The following DTNA variants were observed in gnomAD, a reference collection of about 807,000 sequenced individuals.
DTNA encodes dystrobrevin alpha, also known as dystrophin-related protein 3.
A neutral mutation model predicts 100.7 loss-of-function variants in DTNA; 43 were observed. The observed-to-expected ratio is 0.43, with a 90% confidence interval of 0.33 to 0.55. The LOEUF (loss-of-function observed/expected upper bound fraction) is 0.55. DTNA is among the 20% of genes least tolerant of loss of function. DTNA has a pLI of 0.04. For missense variants in DTNA, 798 were observed against 953.9 expected, an observed-to-expected ratio of 0.84 and a Z score of 2.15; for synonymous variants, 349 against 347.9, an observed-to-expected ratio of 1.00 and a Z score of -0.04.
chr18:34,551,987 T>C (rs1236550141), intron 1 of DTNA, among the ~76,000 whole-genome samples: 1 of 152,066 alleles, frequency 6.6e-6, no homozygotes, highest in African/African-American at 2.4e-5. Context: ...TCTTTCCCCA[T>C]GTTGTTCCCT....
At chr18:34,715,607 A>G (rs1394786116) in intron 1 of DTNA, among the ~76,000 whole-genome samples, 1 of 152,136 alleles carries the variant, frequency 6.6e-6, no homozygotes, top group African/African-American at 2.4e-5. Flanking sequence ...AAAATACTGG[A>G]TGGATTGGCA....
intron 22 of DTNA, among the ~76,000 whole-genome samples, chr18:34,887,153 A>T (rs554320956): frequency 5.5e-4 from 84 of 152,326 alleles, no homozygotes; most frequent in African/African-American, 1.8e-3. Context: ...GCTTATTTGA[A>T]AATAAGTACA....
At chr18:34,861,793 G>A (rs557976964) in intron 16 of DTNA, among the ~76,000 whole-genome samples, 11 of 152,068 alleles carry the variant, frequency 7.2e-5, no homozygotes, top group East Asian at 1.9e-4. Flanking sequence ...GATTACTACT[G>A]TAAGATAAAT....
intron 1 of DTNA, among the ~76,000 whole-genome samples, chr18:34,721,530 G>T (rs1156742094): frequency 1.3e-5 from 2 of 152,030 alleles, no homozygotes; most frequent in African/African-American, 4.8e-5. Flanking sequence ...AAACAAAAAC[G>T]TGACGCAGTT....
intron 1 of DTNA, among the ~76,000 whole-genome samples, chr18:34,510,835 A>G (rs1302461493): frequency 1.3e-5 from 2 of 151,936 alleles, no homozygotes; most frequent in Non-Finnish European, 2.9e-5. Flanking sequence ...ATCCAGGGCA[A>G]CTTTTAAAAA....
chr18:34,551,408 C>T (rs180974674), intron 1 of DTNA, among the ~76,000 whole-genome samples: 10 of 152,296 alleles, frequency 6.6e-5, no homozygotes, highest in East Asian at 3.9e-4. Flanking sequence ...ATCTTCTCCA[C>T]GGGTTCTACC....
chr18:34,808,614 T>A (rs1162788450), intron 5 of DTNA, among the ~76,000 whole-genome samples: 1 of 152,150 alleles, frequency 6.6e-6, no homozygotes, highest in Non-Finnish European at 1.5e-5. Flanking sequence ...GTTACAAAGT[T>A]CAAAATATAA....
At chr18:34,823,260 C>G (rs539645022) in intron 9 of DTNA, among the ~76,000 whole-genome samples, 2 of 152,254 alleles carry the variant, frequency 1.3e-5, no homozygotes, top group East Asian at 3.9e-4. Flanking sequence ...GAAGAATGCT[C>G]TCTTAATCTG....
At chr18:34,592,751 A>G (rs1011097352) in intron 1 of DTNA, among the ~76,000 whole-genome samples, 3 of 152,150 alleles carry the variant, frequency 2.0e-5, no homozygotes, top group African/African-American at 4.8e-5. Flanking sequence ...ACTAAGACTC[A>G]TTCAACTTTT....
intron 1 of DTNA, among the ~76,000 whole-genome samples, chr18:34,579,144 C>A (rs911304281): frequency 1.3e-5 from 2 of 151,988 alleles, no homozygotes; most frequent in Non-Finnish European, 2.9e-5. Context: ...ACAAAAATAA[C>A]CATGTAAGAA....
At chr18:34,777,177 C>A (rs1386170789) in intron 3 of DTNA, among the ~76,000 whole-genome samples, 1 of 152,218 alleles carries the variant, frequency 6.6e-6, no homozygotes, top group Non-Finnish European at 1.5e-5. Flanking sequence ...ACCTTCCCAA[C>A]TTGAGTGTAG....
At chr18:34,662,280 A>G (rs2075307023) in intron 1 of DTNA, among the ~76,000 whole-genome samples, 1 of 152,114 alleles carries the variant, frequency 6.6e-6, no homozygotes, top group Non-Finnish European at 1.5e-5. Context: ...TGCAGGCACA[A>G]TGTGACTGGT....
At chr18:34,507,823 T>G (rs2040639727) in intron 1 of DTNA, among the ~76,000 whole-genome samples, 4 of 152,168 alleles carry the variant, frequency 2.6e-5, no homozygotes, top group African/African-American at 9.7e-5. Flanking sequence ...CAGGGGATTG[T>G]GCTACACGCT....
intron 5 of DTNA, among the ~76,000 whole-genome samples, chr18:34,810,494 T>A (rs1446569368): frequency 6.7e-6 from 1 of 148,806 alleles, no homozygotes; most frequent in African/African-American, 2.5e-5. Context: ...AAAACTGAAC[T>A]CATGGAAGTA....
intron 3 of DTNA, among the ~76,000 whole-genome samples, chr18:34,783,808 G>T (rs944580735): frequency 4.6e-5 from 7 of 152,126 alleles, no homozygotes; most frequent in Non-Finnish European, 1.5e-5. Flanking sequence ...TTCCCTAAAA[G>T]ATTTTTAAAT....
chr18:34,879,314 C>CA (rs1352285406), intron 19 of DTNA, among the ~76,000 whole-genome samples: 3 of 152,044 alleles, frequency 2.0e-5, no homozygotes, highest in African/African-American at 4.8e-5. Context: ...ACTAAGATGG[C>CA]AAAAATTCCT....
chr18:34,510,162 G>C (rs1008043137), intron 1 of DTNA, among the ~76,000 whole-genome samples: 4 of 151,090 alleles, frequency 2.6e-5, no homozygotes, highest in African/African-American at 7.3e-5. Context: ...GAAGGTGACA[G>C]ATATCAGCGT....
intron 1 of DTNA, among the ~76,000 whole-genome samples, chr18:34,695,462 G>A (rs73416443): frequency 0.062 from 9,384 of 152,156 alleles, 941 homozygotes; most frequent in African/African-American, 0.21. Context: ...AACATACACA[G>A]CCTTAATAAG....
chr18:34,829,503 C>T lies in DTNA; in HGVS notation c.1175+14C>T, dbSNP rs1174222413. 6.7e-7 allele frequency: 1 copy of T among 1,502,338 alleles called. No individual in the cohort carries two copies. The highest frequency in any genetic ancestry group is 2.1e-5 in the Admixed American group (1 of 48,518). 93.1% of individuals were successfully genotyped at this position (1,502,338 alleles called of 1,614,324 possible). On this transcript the variant is annotated intron_variant, in intron 11 of 22. Coordinates refer to ENST00000444659, the MANE Select transcript of DTNA (RefSeq NM_001386795.1). ...TCACGGTGCACGGTCAGTATCCCAG[C>T]CCTGAATTGCTAATCGTAGTAGTAG...
Sources: gnomAD v4.1 joint callset for allele counts (sites outside exome capture counted in the v4.1 genomes callset) on GRCh38, gnomAD v4.1.1 for gene constraint, MANE v1.5 for transcripts, NCBI Gene and HGNC (gene_info 2026-07-23, HGNC 2026-07-21) for gene names.